Variants in DAB1 observed in about 807,000 individuals in gnomAD.
The protein encoded by DAB1 is disabled homolog 1.
Under a neutral mutation model 64.6 loss-of-function variants are expected in DAB1, and 15 were observed. The ratio of observed to expected loss-of-function variants is 0.23; its 90% CI spans 0.16 to 0.36. The LOEUF is 0.36. Ranked by LOEUF, DAB1 falls within the 10% of genes least tolerant of loss-of-function variation. DAB1 has a pLI of 1.00. For missense variants in DAB1, 596 were observed against 706.7 expected (o/e 0.84, Z 1.78); for synonymous variants, 235 against 251.9 (o/e 0.93, Z 0.64).
intron 2 of DAB1, among the ~76,000 whole-genome samples, chr1:57,251,956 GA>G (rs757824635): frequency 6.6e-6 from 1 of 152,188 alleles, no homozygotes; most frequent in Non-Finnish European, 1.5e-5. Context: ...ACAGGCCTGT[GA>G]ATTGATGCAT....
chr1:58,153,285 G>C (rs1655044492), intron 4 of DAB1, among the ~76,000 whole-genome samples: 1 of 152,150 alleles, frequency 6.6e-6, no homozygotes, highest in Admixed American at 6.6e-5. Context: ...GATTTACAAA[G>C]TACTTCCACA....
chr1:57,222,980 T>C (rs898683431), intron 2 of DAB1, among the ~76,000 whole-genome samples: 1 of 152,122 alleles, frequency 6.6e-6, no homozygotes, highest in Non-Finnish European at 1.5e-5. Flanking sequence ...GCCTCCTGGG[T>C]CATTAGGGCA....
chr1:58,407,338 T>TGG (rs1327379872), intron 3 of DAB1, among the ~76,000 whole-genome samples: 1 of 152,178 alleles, frequency 6.6e-6, no homozygotes, highest in Non-Finnish European at 1.5e-5. Context: ...TCCATGATGA[T>TGG]GGGGACTTGG....
At chr1:58,433,613 GTGTGTGTT>G (rs1644908763) in intron 3 of DAB1, among the ~76,000 whole-genome samples, 1 of 149,866 alleles carries the variant, frequency 6.7e-6, no homozygotes, top group Non-Finnish European at 1.5e-5. Flanking sequence ...GTGTGTGTGT[GTGTGTGTT>G]TGTGTGTGTG....
chr1:57,676,189 C>T (rs185059206), intron 6 of DAB1, among the ~76,000 whole-genome samples: 55 of 152,312 alleles, frequency 3.6e-4, no homozygotes, highest in African/African-American at 1.0e-3. Context: ...TGATGAAGGA[C>T]GAGCAGAGCT....
At chr1:58,023,717 T>C (rs1479909931) in intron 5 of DAB1, among the ~76,000 whole-genome samples, 1 of 152,210 alleles carries the variant, frequency 6.6e-6, no homozygotes, top group Non-Finnish European at 1.5e-5. Flanking sequence ...TAAACAACGA[T>C]ATATTAATCT....
At chr1:57,625,543 A>G (rs926762750) in intron 7 of DAB1, among the ~76,000 whole-genome samples, 2 of 152,244 alleles carry the variant, frequency 1.3e-5, no homozygotes, top group African/African-American at 4.8e-5. Flanking sequence ...CTGGCAAAAC[A>G]GTGTTTAGCA....
chr1:57,987,799 T>C (rs1157226524), intron 5 of DAB1, among the ~76,000 whole-genome samples: 1 of 151,562 alleles, frequency 6.6e-6, no homozygotes, highest in African/African-American at 2.4e-5. Flanking sequence ...GAATGGAGAG[T>C]GCTGTGAAGT....
chr1:58,099,061 CCTAGAGCAGTAT>C (rs1368666638), intron 5 of DAB1, among the ~76,000 whole-genome samples: 16 of 152,154 alleles, frequency 1.1e-4, no homozygotes, highest in African/African-American at 3.9e-4. Context: ...TTCAAGATGT[CCTAGAGCAGTAT>C]CAGTAAGACT....
At chr1:57,529,718 G>A (rs1644638330) in intron 7 of DAB1, among the ~76,000 whole-genome samples, 1 of 152,032 alleles carries the variant, frequency 6.6e-6, no homozygotes. Context: ...AGCAAAACCA[G>A]ACAAATCATG....
chr1:57,983,930 T>C (rs1646129002), intron 5 of DAB1, among the ~76,000 whole-genome samples: 1 of 151,920 alleles, frequency 6.6e-6, no homozygotes, highest in Admixed American at 6.6e-5. Context: ...GCTATTTGTG[T>C]AAAGAAGATG....
chr1:57,974,850 C>T (rs1317429837), intron 5 of DAB1, among the ~76,000 whole-genome samples: 1 of 152,034 alleles, frequency 6.6e-6, no homozygotes, highest in East Asian at 1.9e-4. Flanking sequence ...ATATAGTAAT[C>T]CATATATATA....
At chr1:57,889,894 T>TGCG (rs1644280930) in intron 5 of DAB1, among the ~76,000 whole-genome samples, 3 of 8,018 alleles carry the variant, frequency 3.7e-4, no homozygotes, top group Admixed American at 3.2e-3. Flanking sequence ...TAGCACAAAC[T>TGCG]GGGGCGGGGG....
chr1:57,914,256 A>C (rs1425406769), intron 5 of DAB1, among the ~76,000 whole-genome samples: 4 of 152,156 alleles, frequency 2.6e-5, no homozygotes, highest in Non-Finnish European at 5.9e-5. Flanking sequence ...ATGGAATACT[A>C]TGCAGCCATA....
At chr1:58,022,035 A>G (rs75182167) in intron 5 of DAB1, among the ~76,000 whole-genome samples, 4,319 of 152,280 alleles carry the variant, frequency 0.028, 75 homozygotes, top group Non-Finnish European at 0.044. Flanking sequence ...TTGATAGAGA[A>G]TTTAGGCTAT....
chr1:57,099,393 G>A lies in DAB1; in HGVS notation c.307-26979C>T, dbSNP rs181206524. Among the ~76,000 whole-genome samples, 487 of 152,340 alleles carry A rather than the reference G, an allele frequency of 3.2e-3. 2 individuals are homozygous for A. The highest frequency in any genetic ancestry group is 5.0e-3 in the Non-Finnish European group (342 of 68,024). ...TCAGCTGCTGTTATTAGTAGTAATA[G>A]TAGCTGTAGGGGTAGCAGTAAGTAG... On this transcript the variant is annotated intron_variant, in intron 4 of 14. Transcript: ENST00000371236.
At chr1:57,085,681 C>T (rs1416327823) in intron 4 of DAB1, among the ~76,000 whole-genome samples, 1 of 152,170 alleles carries the variant, frequency 6.6e-6, no homozygotes, top group African/African-American at 2.4e-5. Context: ...GTATAATTAC[C>T]TGGCTAATAT....
In DAB1 at chr1:57,498,774, G is replaced by GTC. The variant is rs1347416338; in HGVS notation, n.625+150816_625+150817dup. Among the ~76,000 whole-genome samples, 12 of 152,196 alleles carry GTC rather than the reference G, an allele frequency of 7.9e-5. No individual in the cohort carries two copies. In the East Asian group the frequency reaches 2.3e-3, roughly 29 times the overall value. On this transcript the variant is annotated intron_variant and non_coding_transcript_variant, in intron 7 of 20. Transcript: ENST00000485760. ...GTTATAGCTGGTGGGAGATGTGAGG[G>GTC]TCTCTGGAAGGAAGTTTATTTATTG...
chr1:57,319,205 A>T lies in DAB1; in HGVS notation c.-136-28039T>A, dbSNP rs1675478112. Among the ~76,000 whole-genome samples, 3 of 152,144 alleles carry T rather than the reference A, an allele frequency of 2.0e-5. No homozygotes were observed. In the South Asian group the frequency reaches 6.2e-4, roughly 32 times the overall value. ...TGTGCTACTCCCCTTCTCTGGAAAC[A>T]GCTTGCTTGGGGATTGAAGCGGGGA... On this transcript the variant is annotated intron_variant, in intron 1 of 14. Coordinates refer to ENST00000371236, the MANE Select transcript of DAB1 (RefSeq NM_001365792.1).
Sources: gnomAD v4.1 joint callset for allele counts (sites outside exome capture counted in the v4.1 genomes callset) on GRCh38, gnomAD v4.1.1 for gene constraint, MANE v1.5 for transcripts, NCBI Gene and HGNC (gene_info 2026-07-23, HGNC 2026-07-21) for gene names.